Variants in SRGAP1 observed in about 807,000 individuals in gnomAD.
SRGAP1 encodes the protein SLIT-ROBO Rho GTPase activating protein 1.
SRGAP1 carries 43 observed loss-of-function variants against 121.9 expected under a neutral mutation model. That is an observed-to-expected ratio of 0.35 (90% confidence interval 0.28 to 0.46). The LOEUF (loss-of-function observed/expected upper bound fraction) is 0.46. SRGAP1 is among the 20% of genes least tolerant of loss of function. SRGAP1 has a pLI of 1.00. For synonymous variants in SRGAP1, 447 were observed against 485.4 expected (o/e 0.92, Z 1.04); for missense variants, 1,102 against 1,350.9 (o/e 0.82, Z 2.89).
intron 1 of SRGAP1, among the ~76,000 whole-genome samples, chr12:63,922,658 G>A (rs1010349241): frequency 2.6e-5 from 4 of 152,192 alleles, no homozygotes; most frequent in African/African-American, 9.6e-5. Context: ...AGTTGCTCAT[G>A]TTAGAGCAAG....
At chr12:63,878,528 G>A (rs779281828) in intron 1 of SRGAP1, among the ~76,000 whole-genome samples, 11 of 152,202 alleles carry the variant, frequency 7.2e-5, no homozygotes, top group South Asian at 4.1e-4. Context: ...GTTTGTGTTT[G>A]TGTGTGTGTA....
intron 10 of SRGAP1, 147 bp from the exon 11 acceptor site, chr12:64,086,852 T>C (rs959129832): frequency 3.4e-6 from 2 of 588,016 alleles, no homozygotes; most frequent in African/African-American, 3.9e-5. Flanking sequence ...TCTATCTTCA[T>C]ATGCTATCCT....
At position 64,111,771 on chromosome 12, in the gene SRGAP1, G is replaced by T; in HGVS notation, c.1929G>T (p.Gln643His). 1 of 1,610,436 alleles carries T rather than the reference G, an allele frequency of 6.2e-7. No individual in the cohort carries two copies. The highest frequency in any genetic ancestry group is 8.5e-7 in the Non-Finnish European group (1 of 1,177,414). The change falls in exon 17 of 22, where the codon CAG (glutamine) becomes CAT (histidine). Residue 643 changes from glutamine to histidine, a missense_variant. By Grantham distance (24) the Gln-to-His change is conservative. Coordinates refer to ENST00000355086, the MANE Select transcript of SRGAP1 (RefSeq NM_020762.4). ...TTGTTTCCTTTTGTAGTCTATCACAGTACAGCGATGAGAATATGATGGACC... is the reference window on the plus strand; with the variant it reads ...TTGTTTCCTTTTGTAGTCTATCACATTACAGCGATGAGAATATGATGGACC... ...YLFAFLNHLSQYSDENMMDPY... is the reference protein window; with the variant it reads ...YLFAFLNHLSHYSDENMMDPY...
intron 8 of SRGAP1, among the ~76,000 whole-genome samples, chr12:64,074,258 GCTTT>G (rs906396323): frequency 1.3e-5 from 2 of 152,094 alleles, no homozygotes; most frequent in South Asian, 4.2e-4. Context: ...TAACTTTCGT[GCTTT>G]CTGTCTCTTT....
At position 64,155,011 on chromosome 12, in the gene SRGAP1, G is replaced by A. The variant is rs1226990381; in HGVS notation, c.*12339G>A. ...TAACATAAATATGATAATAAAAATA[G>A]TTAACATTTGTTAAATATATATATT... On this transcript the variant is annotated 3_prime_UTR_variant, in exon 22 of 22. Coordinates refer to ENST00000355086, the MANE Select transcript of SRGAP1 (RefSeq NM_020762.4). The A allele has an allele frequency of 6.6e-6, 1 of 152,026 alleles. No individual in the cohort carries two copies. The highest frequency in any genetic ancestry group is 1.5e-5 in the Non-Finnish European group (1 of 68,012). The allele number at this position is 152,026 out of a possible 1,614,324, so 9.4% of individuals were successfully genotyped here.
At chr12:63,996,895 G>A (rs1016828195) in intron 3 of SRGAP1, among the ~76,000 whole-genome samples, 2 of 151,950 alleles carry the variant, frequency 1.3e-5, no homozygotes, top group African/African-American at 4.8e-5. Context: ...TTGCAATGAT[G>A]TAATTTTCTG....
intron 1 of SRGAP1, among the ~76,000 whole-genome samples, chr12:63,900,822 A>C (rs1343374684): frequency 6.6e-6 from 1 of 152,160 alleles, no homozygotes; most frequent in East Asian, 1.9e-4. Context: ...TCAAAAAATA[A>C]ATAACAAAGA....
chr12:63,988,686 G>C (rs1389944693), intron 2 of SRGAP1, among the ~76,000 whole-genome samples: 4 of 152,164 alleles, frequency 2.6e-5, no homozygotes, highest in Non-Finnish European at 5.9e-5. Flanking sequence ...AGTCATACAT[G>C]ATCATAAATA....
chr12:63,956,163 C>T (rs80319109), intron 1 of SRGAP1, among the ~76,000 whole-genome samples: 4,944 of 152,184 alleles, frequency 0.032, 266 homozygotes, highest in African/African-American at 0.11. Flanking sequence ...CACCTCCATG[C>T]CTGACTAATT....
intron 4 of SRGAP1, among the ~76,000 whole-genome samples, chr12:64,019,391 C>T (rs1188670605): frequency 6.6e-6 from 1 of 152,142 alleles, no homozygotes; most frequent in Non-Finnish European, 1.5e-5. Context: ...GTCATTTAAG[C>T]TCTCAGAATT....
chr12:64,089,876 A>C (rs1329314973), intron 11 of SRGAP1, among the ~76,000 whole-genome samples: 2 of 152,240 alleles, frequency 1.3e-5, no homozygotes, highest in Non-Finnish European at 2.9e-5. Flanking sequence ...GTTTCCATAC[A>C]TGATAGTGTC....
intron 1 of SRGAP1, among the ~76,000 whole-genome samples, chr12:63,854,490 C>T (rs1231717570): frequency 6.6e-6 from 1 of 152,052 alleles, no homozygotes; most frequent in Non-Finnish European, 1.5e-5. Flanking sequence ...GGAAGAAATA[C>T]GTAGGGATAC....
intron 2 of SRGAP1, among the ~76,000 whole-genome samples, chr12:63,989,236 A>G (rs2033492765): frequency 6.6e-6 from 1 of 152,182 alleles, no homozygotes; most frequent in Non-Finnish European, 1.5e-5. Context: ...TTTTAGCTTT[A>G]TTTTATAGAA....
intron 8 of SRGAP1, among the ~76,000 whole-genome samples, chr12:64,072,166 C>T (rs548320906): frequency 1.2e-3 from 125 of 106,266 alleles, no homozygotes; most frequent in African/African-American, 2.6e-3. Flanking sequence ...GGGGGGGGCT[C>T]TTTCTGCTAA....
chr12:63,923,523 C>A (rs117677374), intron 1 of SRGAP1, among the ~76,000 whole-genome samples: 1 of 152,130 alleles, frequency 6.6e-6, no homozygotes, highest in Non-Finnish European at 1.5e-5. Flanking sequence ...TACATCAGTA[C>A]ATAATTAAGA....
At chr12:63,906,074 A>G (rs1280657923) in intron 1 of SRGAP1, among the ~76,000 whole-genome samples, 2 of 152,134 alleles carry the variant, frequency 1.3e-5, no homozygotes, top group African/African-American at 2.4e-5. Context: ...TAGGCAACCA[A>G]TGGTCTACTG....
Position 63,984,040 on chromosome 12 carries a change from G to GA in SRGAP1, c.168dup (p.Ala57SerfsTer2). 5.8e-6 allele frequency: 9 copies of GA among 1,563,054 alleles called. No individual in the cohort carries two copies. The highest frequency in any genetic ancestry group is 3.6e-5 in the South Asian group (3 of 83,646). ...CTCCAGGATCTGCAAGATTTCTTCCGAAAAAAAGCTGAAATTGAGACGGAA... is the reference window on the plus strand; with the variant it reads ...CTCCAGGATCTGCAAGATTTCTTCCGAAAAAAAAGCTGAAATTGAGACGGAA... On this transcript the variant is annotated frameshift_variant, in exon 2 of 22. Transcript: ENST00000355086. LOFTEE classifies it high-confidence loss of function.
At chr12:64,125,848 G>A (rs1261895832) in intron 18 of SRGAP1, 129 bp from the exon 19 acceptor site, 1 of 801,216 alleles carries the variant, frequency 1.2e-6, no homozygotes, top group African/African-American at 1.7e-5. Flanking sequence ...ATAATATGTT[G>A]ATGACTCTGT....
chr12:63,860,759 G>C (rs1408485558), intron 1 of SRGAP1, among the ~76,000 whole-genome samples: 1 of 150,578 alleles, frequency 6.6e-6, no homozygotes, highest in Non-Finnish European at 1.5e-5. Flanking sequence ...TTACTGTATT[G>C]TATTTTCTGT....
Sources: gnomAD v4.1 joint callset for allele counts (sites outside exome capture counted in the v4.1 genomes callset) on GRCh38, gnomAD v4.1.1 for gene constraint, MANE v1.5 for transcripts, NCBI Gene and HGNC (gene_info 2026-07-23, HGNC 2026-07-21) for gene names.